MTF1: variants seen among roughly 807,000 people sequenced by gnomAD.
The protein encoded by MTF1 is MRE-binding transcription factor.
Under a neutral mutation model 70.4 loss-of-function variants are expected in MTF1, and 22 were observed. The ratio of observed to expected loss-of-function variants is 0.31; its 90% CI spans 0.22 to 0.45. The LOEUF (loss-of-function observed/expected upper bound fraction) is 0.45. Among genes scored for constraint, MTF1 ranks in the 20% least tolerant of loss-of-function variants. The pLI, the probability that MTF1 is intolerant of heterozygous loss-of-function variation, is 1.00. For synonymous variants in MTF1, 333 were observed against 352.8 expected (o/e 0.94, Z 0.63); for missense variants, 649 against 922.0 (o/e 0.70, Z 3.83).
chr1:37,822,188 A>G lies in MTF1; in HGVS notation c.1700T>C (p.Met567Thr), dbSNP rs934330904. The change falls in exon 9 of 11, where the codon ATG (methionine) becomes ACG (threonine). Residue 567 changes from methionine to threonine, a missense_variant. By Grantham distance (81) the Met-to-Thr change is moderately conservative. Coordinates refer to ENST00000373036, the MANE Select transcript of MTF1 (RefSeq NM_005955.3). ...TATCCATTGTAAGTTCTGTTCTCCC[A>G]TGACTAGGCTGGACTGCAGGATAGC... is the stretch of plus-strand genomic sequence containing the variant. ...NTAILQSSLV[M>T]GEQNLQWILN... 4 of 1,613,892 alleles carry G rather than the reference A, an allele frequency of 2.5e-6. No homozygotes were observed. The African/African-American group carries it at 4.0e-5, about 16-fold the overall frequency.
intron 3 of MTF1, among the ~76,000 whole-genome samples, chr1:37,839,274 C>T (rs187707524): frequency 2.6e-5 from 4 of 152,274 alleles, no homozygotes; most frequent in Middle Eastern, 3.4e-3. Context: ...GACAGACTTC[C>T]TGGGATTCAA....
chr1:37,845,316 A>G (rs1366526739), intron 2 of MTF1, among the ~76,000 whole-genome samples: 1 of 152,222 alleles, frequency 6.6e-6, no homozygotes, highest in East Asian at 1.9e-4. Context: ...GCTGACTCAC[A>G]AAGTCATAAT....
In MTF1 at chr1:37,813,164, C is replaced by T; in HGVS notation, c.*1972G>A. 6.6e-6 allele frequency: 1 copy of T among 152,342 alleles called. No individual in the cohort carries two copies. The highest frequency in any genetic ancestry group is 1.5e-5 in the Non-Finnish European group (1 of 68,090). 9.4% of individuals were successfully genotyped at this position (152,342 alleles called of 1,614,324 possible). The stretch of plus-strand genomic sequence containing the variant: ...GCGTGGTGGCGCATGCCTGTAATCC[C>T]AGCTACTCGGGAGGCTGAGGCAGAA... On this transcript the variant is annotated 3_prime_UTR_variant, in exon 11 of 11. Coordinates refer to ENST00000373036, the MANE Select transcript of MTF1 (RefSeq NM_005955.3).
intron 2 of MTF1, among the ~76,000 whole-genome samples, chr1:37,848,148 C>T (rs893892346): frequency 2.6e-5 from 4 of 152,144 alleles, no homozygotes; most frequent in Non-Finnish European, 5.9e-5. Context: ...TAACAAAGAA[C>T]ATTTTAACCT....
chr1:37,838,321 G>A (rs532735659), intron 4 of MTF1, among the ~76,000 whole-genome samples: 1 of 152,092 alleles, frequency 6.6e-6, no homozygotes, highest in Non-Finnish European at 1.5e-5. Flanking sequence ...GGCCTGCTTC[G>A]GAGTATTTCT....
At chr1:37,850,765 G>A (rs1557598797) in intron 2 of MTF1, among the ~76,000 whole-genome samples, 1 of 152,026 alleles carries the variant, frequency 6.6e-6, no homozygotes, top group African/African-American at 2.4e-5. Flanking sequence ...AGAAAATGAA[G>A]TAATAGGTAA....
chr1:37,821,501 C>A (rs1047991632), intron 9 of MTF1, among the ~76,000 whole-genome samples: 2 of 152,034 alleles, frequency 1.3e-5, no homozygotes, highest in African/African-American at 4.8e-5. Flanking sequence ...AAAAATAAAT[C>A]ATGTTTTTTC....
At chr1:37,835,853 T>A in intron 4 of MTF1, 109 bp from the exon 5 acceptor site, 1 of 876,102 alleles carries the variant, frequency 1.1e-6, no homozygotes, top group Non-Finnish European at 1.8e-6. Context: ...AAGGCTGGAG[T>A]GCAGTGGCGC....
chr1:37,843,502 G>A (rs995811534), intron 2 of MTF1, among the ~76,000 whole-genome samples: 1 of 152,156 alleles, frequency 6.6e-6, no homozygotes, highest in African/African-American at 2.4e-5. Flanking sequence ...GTGACTCAAG[G>A]ATGGACAAAG....
At chr1:37,817,538 G>T in intron 9 of MTF1, 56 bp from the exon 10 acceptor site, 1 of 1,222,624 alleles carries the variant, frequency 8.2e-7, no homozygotes, top group Admixed American at 1.7e-5. Flanking sequence ...CAGATCCCCA[G>T]GGACCTGAAG....
At chr1:37,853,706 C>T (rs1175726537) in intron 2 of MTF1, among the ~76,000 whole-genome samples, 1 of 152,170 alleles carries the variant, frequency 6.6e-6, no homozygotes, top group Non-Finnish European at 1.5e-5. Context: ...TTAAGACCAG[C>T]TCAAACGCCA....
At chr1:37,842,403 A>C (rs2148415882) in intron 2 of MTF1, among the ~76,000 whole-genome samples, 1 of 152,362 alleles carries the variant, frequency 6.6e-6, no homozygotes, top group African/African-American at 2.4e-5. Flanking sequence ...AGATGGCTTT[A>C]CTGTAAGAAA....
At chr1:37,852,433 A>G (rs1032823790) in intron 2 of MTF1, among the ~76,000 whole-genome samples, 2 of 152,170 alleles carry the variant, frequency 1.3e-5, no homozygotes, top group African/African-American at 2.4e-5. Flanking sequence ...GAGGGTGCGG[A>G]GAGCAGAGTT....
intron 7 of MTF1, among the ~76,000 whole-genome samples, chr1:37,831,323 G>C (rs921445108): frequency 6.6e-6 from 1 of 152,178 alleles, no homozygotes; most frequent in Admixed American, 6.5e-5. Flanking sequence ...AGCAGGCTTG[G>C]GGGGAGGCCC....
chr1:37,822,049 TA>T (rs2148402064), intron 9 of MTF1, 71 bp downstream of exon 9: 8 of 1,264,730 alleles, frequency 6.3e-6, no homozygotes, highest in Middle Eastern at 2.0e-4. Context: ...CTTTTTGAAG[TA>T]AAAGCTTCTG....
intron 9 of MTF1, among the ~76,000 whole-genome samples, chr1:37,821,540 A>G (rs887976219): frequency 2.0e-5 from 3 of 152,180 alleles, no homozygotes; most frequent in African/African-American, 7.2e-5. Flanking sequence ...GATACTCAGT[A>G]TAGTGTCTGG....
intron 2 of MTF1, among the ~76,000 whole-genome samples, chr1:37,849,547 G>A (rs1254038787): frequency 6.6e-6 from 1 of 152,256 alleles, no homozygotes; most frequent in South Asian, 2.1e-4. Flanking sequence ...ACGATTCCTA[G>A]GGTTTTTTCA....
In MTF1 at chr1:37,835,061, G is replaced by C. The variant is rs745689451; in HGVS notation, c.990+18C>G. The stretch of plus-strand genomic sequence containing the variant: ...AAGTTCTATGGTACCCAGATCAAGA[G>C]ACAAAAACACTACACACCTCTGATC... On this transcript the variant is annotated intron_variant, in intron 6 of 10. Transcript: ENST00000373036. 1.3e-4 allele frequency: 206 copies of C among 1,612,194 alleles called. No individual in the cohort carries two copies. The highest frequency in any genetic ancestry group is 1.7e-4 in the Non-Finnish European group (203 of 1,178,802).
At chr1:37,852,393 C>T (rs895507782) in intron 2 of MTF1, among the ~76,000 whole-genome samples, 1 of 152,202 alleles carries the variant, frequency 6.6e-6, no homozygotes, top group Non-Finnish European at 1.5e-5. Flanking sequence ...TCCCATCTTT[C>T]TTGATTCCTA....
Sources: allele counts gnomAD v4.1 joint callset (sites outside exome capture counted in the v4.1 genomes callset), GRCh38; gene constraint gnomAD v4.1.1; transcripts MANE v1.5; gene names NCBI Gene and HGNC (gene_info 2026-07-23, HGNC 2026-07-21).